UBAP2: variants seen among roughly 807,000 people sequenced by gnomAD.
UBAP2 encodes the protein ubiquitin associated protein 2.
A neutral mutation model predicts 139.6 loss-of-function variants in UBAP2; 75 were observed. The observed-to-expected ratio is 0.54, with a 90% CI of 0.45 to 0.65. The LOEUF (loss-of-function observed/expected upper bound fraction) is 0.65. UBAP2 is among the 30% of genes least tolerant of loss of function. The probability of loss-of-function intolerance (pLI) is 0.00; values close to 1 mark genes in which losing one functional copy is unlikely to be tolerated. For synonymous variants in UBAP2, 526 were observed against 526.2 expected (o/e 1.00, Z 0.01); for missense variants, 1,368 against 1,369.6 (o/e 1.00, Z 0.02).
chr9:34,046,174 G>A (rs34726887), intron 1 of UBAP2, among the ~76,000 whole-genome samples: 4,028 of 152,222 alleles, frequency 0.026, 109 homozygotes, highest in Middle Eastern at 0.065. Flanking sequence ...TTTACAATCT[G>A]TAAATGCCTG....
intron 2 of UBAP2, among the ~76,000 whole-genome samples, chr9:34,007,208 G>A (rs1187624148): frequency 1.3e-5 from 2 of 152,018 alleles, no homozygotes; most frequent in African/African-American, 4.8e-5. Flanking sequence ...TAGTACTCAA[G>A]TGAGGCCAGG....
intron 1 of UBAP2, among the ~76,000 whole-genome samples, chr9:34,018,571 G>A (rs1315644760): frequency 6.6e-6 from 1 of 152,058 alleles, no homozygotes; most frequent in East Asian, 1.9e-4. Flanking sequence ...CATGTTAAGA[G>A]TGCCATTATT....
In UBAP2 at chr9:33,981,304, T is replaced by TATATATATATATTCTGG. The variant is rs1564044773; in HGVS notation, c.520+5455_520+5456insCCAGAATATATATATAT. Reference sequence around the variant, plus strand: ...TCTGGATATATATATATATTCTGGATATATATATATATCTAGAAATACAAA... The same window carrying TATATATATATATTCTGG: ...TCTGGATATATATATATATTCTGGATATATATATATATTCTGGATATATATATATCTAGAAATACAAA... On this transcript the variant is annotated intron_variant, in intron 6 of 28. Coordinates refer to ENST00000379238, the MANE Select transcript of UBAP2 (RefSeq NM_001370062.2). Among the ~76,000 whole-genome samples the TATATATATATATTCTGG allele has an allele frequency of 3.6e-4, 24 of 65,944 alleles. 3 individuals are homozygous for TATATATATATATTCTGG. Among genetic ancestry groups the TATATATATATATTCTGG allele is most frequent in the African/African-American group, 1.2e-3 (14 of 11,374 alleles). 43.3% of individuals were successfully genotyped at this position (65,944 alleles called of 152,430 possible).
intron 1 of UBAP2, among the ~76,000 whole-genome samples, chr9:34,039,806 TC>T (rs2131365685): frequency 1.0e-5 from 1 of 96,664 alleles, no homozygotes; most frequent in South Asian, 3.7e-4. Flanking sequence ...CCCTGCCAAA[TC>T]CCCCTCTGCG....
At chr9:34,019,792 T>A (rs1824747659) in intron 1 of UBAP2, among the ~76,000 whole-genome samples, 1 of 149,240 alleles carries the variant, frequency 6.7e-6, no homozygotes, top group South Asian at 2.1e-4. Flanking sequence ...ACAGAGGAAA[T>A]ATACCCATCA....
At chr9:33,934,001 C>G (rs1431196091) in intron 17 of UBAP2, 1 of 185,196 alleles carries the variant, frequency 5.4e-6, no homozygotes, top group Non-Finnish European at 1.2e-5. Context: ...GAGGCAAACT[C>G]CTCAAAGGGC....
At chr9:33,991,900 T>C (rs1230049862) in intron 4 of UBAP2, among the ~76,000 whole-genome samples, 2 of 152,190 alleles carry the variant, frequency 1.3e-5, no homozygotes, top group African/African-American at 4.8e-5. Context: ...TCTATCTTTA[T>C]AAAGGGGCCA....
intron 2 of UBAP2, among the ~76,000 whole-genome samples, chr9:34,008,260 G>C (rs1196897560): frequency 6.6e-6 from 1 of 151,520 alleles, no homozygotes; most frequent in African/African-American, 2.4e-5. Flanking sequence ...GAAGGTTGCG[G>C]TGAGCTAAGA....
chr9:33,999,216 G>T (rs942825459), intron 2 of UBAP2, among the ~76,000 whole-genome samples: 1 of 152,002 alleles, frequency 6.6e-6, no homozygotes, highest in African/African-American at 2.4e-5. Flanking sequence ...GGGCATGGTG[G>T]CTCATGCCTT....
intron 1 of UBAP2, among the ~76,000 whole-genome samples, chr9:34,046,192 C>T (rs1371893695): frequency 6.6e-6 from 1 of 151,992 alleles, no homozygotes. Flanking sequence ...CTGCAGACTG[C>T]TTCTTTAGAG....
intron 20 of UBAP2, 49 bp from the exon 21 acceptor site, chr9:33,927,129 TGA>T (rs1491356651): frequency 2.8e-6 from 4 of 1,448,900 alleles, no homozygotes; most frequent in East Asian, 4.6e-5. Flanking sequence ...CCACAAAGAG[TGA>T]GAGTCCTCAG....
intron 2 of UBAP2, 28 bp downstream of exon 2, chr9:34,017,022 A>AT (rs777843607): frequency 3.1e-5 from 47 of 1,534,276 alleles, no homozygotes; most frequent in Non-Finnish European, 1.6e-5. Flanking sequence ...AAAAGGAAAA[A>AT]AAAAAAAAGA....
intron 1 of UBAP2, among the ~76,000 whole-genome samples, chr9:34,033,187 TA>T (rs1191872259): frequency 1.3e-5 from 2 of 152,160 alleles, no homozygotes. Context: ...CAGCACTGTT[TA>T]CAATAGCTAA....
At chr9:34,027,621 G>A (rs1825515157) in intron 1 of UBAP2, among the ~76,000 whole-genome samples, 1 of 151,980 alleles carries the variant, frequency 6.6e-6, no homozygotes, top group South Asian at 2.1e-4. Context: ...ACTCTGGGAG[G>A]CCAAGGCAGG....
intron 8 of UBAP2, among the ~76,000 whole-genome samples, chr9:33,965,848 A>AC (rs1827404514): frequency 6.6e-6 from 1 of 151,674 alleles, no homozygotes; most frequent in African/African-American, 2.4e-5. Context: ...GGAGATGGAG[A>AC]CCATCCTGGC....
intron 1 of UBAP2, among the ~76,000 whole-genome samples, chr9:34,040,307 G>A (rs1342279673): frequency 8.9e-6 from 1 of 112,234 alleles, no homozygotes; most frequent in Non-Finnish European, 1.7e-5. Context: ...CTGGGTGACA[G>A]AATGAGACTC....
chr9:33,924,075 G>C (rs112904629), intron 23 of UBAP2, 75 bp from the exon 24 acceptor site: 3 of 1,593,976 alleles, frequency 1.9e-6, no homozygotes, highest in South Asian at 1.1e-5. Context: ...CTGCAAACAG[G>C]AACAGGTCTG....
chr9:33,993,299 T>C (rs981971302), intron 4 of UBAP2, among the ~76,000 whole-genome samples: 4 of 152,234 alleles, frequency 2.6e-5, no homozygotes, highest in Non-Finnish European at 5.9e-5. Flanking sequence ...AGTGTTTATA[T>C]TCTGTCAACC....
intron 11 of UBAP2, among the ~76,000 whole-genome samples, chr9:33,955,097 T>C (rs1020016748): frequency 6.7e-6 from 1 of 149,382 alleles, no homozygotes; most frequent in Admixed American, 6.7e-5. Flanking sequence ...TCAAATAAAA[T>C]AAGAGATCTG....
Sources: allele counts gnomAD v4.1 joint callset (sites outside exome capture counted in the v4.1 genomes callset), GRCh38; gene constraint gnomAD v4.1.1; transcripts MANE v1.5; gene names NCBI Gene and HGNC (gene_info 2026-07-23, HGNC 2026-07-21).